The following ACOT11 variants were observed in gnomAD, a reference collection of about 807,000 sequenced individuals.
The protein encoded by ACOT11 is acyl-CoA thioesterase 11.
ACOT11 carries 69 observed loss-of-function variants against 77.5 expected under a neutral mutation model. The ratio of observed to expected loss-of-function variants is 0.89; its 90% CI spans 0.73 to 1.09. ACOT11 has a LOEUF of 1.09. Among genes scored for constraint, ACOT11 ranks in the 50% least tolerant of loss-of-function variants. The probability of loss-of-function intolerance (pLI) is 0.00; values close to 1 mark genes in which losing one functional copy is unlikely to be tolerated. For synonymous variants in ACOT11, 279 were observed against 313.0 expected, an observed-to-expected ratio of 0.89 and a Z score of 1.15; for missense variants, 766 against 813.7, an observed-to-expected ratio of 0.94 and a Z score of 0.71.
chr1:54,614,233 G>A (rs1644147633), downstream of ACOT11, among the ~76,000 whole-genome samples: 3 of 152,250 alleles, frequency 2.0e-5, no homozygotes, highest in South Asian at 6.2e-4. Context: ...CAGCGGTGCT[G>A]GAATTCATGA....
intron 1 of ACOT11, among the ~76,000 whole-genome samples, chr1:54,580,699 C>T (rs1427382556): frequency 6.6e-6 from 1 of 152,216 alleles, no homozygotes; most frequent in Admixed American, 6.5e-5. Flanking sequence ...GGCACGTGTC[C>T]CTGTCCCGTG....
At chr1:54,616,203 CT>C (rs751159462) in intron 15 of ACOT11, 15 of 1,563,838 alleles carry the variant, frequency 9.6e-6, no homozygotes, top group South Asian at 1.2e-5. Flanking sequence ...CAGTGAGTTC[CT>C]TTTTTTAAAA....
chr1:54,603,887 T>C lies in ACOT11; in HGVS notation c.1102T>C (p.Cys368Arg). Residue 368 changes from cysteine (C) to arginine (R), a missense_variant, in exon 11 of 16, where the codon TGT becomes CGT. Coordinates refer to ENST00000343744, the MANE Select transcript of ACOT11 (RefSeq NM_147161.4). ...CCTTCCCAGGAAGTACATCGTGTCC[T>C]GTAAGCAGACAGAGGTGCCCCTCTC... ...IRLDRKYIVS[C>R]KQTEVPLSVP... 1 of 1,614,132 alleles carries C rather than the reference T, an allele frequency of 6.2e-7. No individual in the cohort carries two copies. The highest frequency in any genetic ancestry group is 8.5e-7 in the Non-Finnish European group (1 of 1,180,004).
chr1:54,594,664 C>T lies in ACOT11; in HGVS notation c.580C>T (p.Leu194Phe). Residue 194 changes from leucine (L) to phenylalanine (F), a missense_variant, in exon 6 of 16, where the codon CTC becomes TTC. Leu to Phe is a conservative substitution (Grantham distance 22). Coordinates refer to ENST00000343744, the MANE Select transcript of ACOT11 (RefSeq NM_147161.4). Reference protein sequence around the residue: ...RLVYADTIKDLLANCAIQGDL... With the variant: ...RLVYADTIKDFLANCAIQGDL... ...TGTCTATGCAGACACCATCAAGGAC[C>T]TCCTGGCCAACTGCGCCATTCAGGG... 3 of 1,613,780 alleles carry T rather than the reference C, an allele frequency of 1.9e-6. No individual in the cohort carries two copies. The highest frequency in any genetic ancestry group is 2.5e-6 in the Non-Finnish European group (3 of 1,179,810).
intron 3 of ACOT11, among the ~76,000 whole-genome samples, chr1:54,588,823 A>T (rs1473265953): frequency 1.3e-5 from 2 of 152,062 alleles, no homozygotes; most frequent in African/African-American, 4.8e-5. Flanking sequence ...TGGGCAGAGG[A>T]GGCTGTGGTT....
intron 15 of ACOT11, among the ~76,000 whole-genome samples, chr1:54,622,863 G>T (rs945202794): frequency 1.3e-5 from 2 of 151,916 alleles, no homozygotes; most frequent in African/African-American, 4.8e-5. Flanking sequence ...ATGAGGCTTG[G>T]TGGGGACGAG....
Position 54,585,880 on chromosome 1 carries a change from A to G in ACOT11, c.287A>G (p.Asp96Gly). 2 of 1,614,094 alleles carry G rather than the reference A, an allele frequency of 1.2e-6. No individual in the cohort carries two copies. The highest frequency in any genetic ancestry group is 1.1e-5 in the South Asian group (1 of 91,076). ...GCPCVTASMD[D>G]IYFEHTISVG... is the part of the protein sequence containing the mutation. ...CCCTGTGTCACAGCTTCCATGGATGACATCTATTTTGAGCACACCATTAGG... is the reference window on the plus strand; with the variant it reads ...CCCTGTGTCACAGCTTCCATGGATGGCATCTATTTTGAGCACACCATTAGG... Residue 96 changes from aspartate (D) to glycine (G), a missense_variant, in exon 3 of 16, where the codon GAC (aspartate) becomes GGC (glycine). Physicochemically the swap from Asp to Gly is moderately conservative, Grantham distance 94 (BLOSUM62 -1). Coordinates refer to ENST00000343744, the MANE Select transcript of ACOT11 (RefSeq NM_147161.4).
At chr1:54,562,046 C>T (rs1266205470) in intron 1 of ACOT11, among the ~76,000 whole-genome samples, 1 of 73,450 alleles carries the variant, frequency 1.4e-5, no homozygotes, top group Admixed American at 1.0e-4. Flanking sequence ...GAGGGCTGAC[C>T]CCCCCCACCT....
chr1:54,567,049 GATCTTAA>G (rs1309171305), intron 1 of ACOT11, among the ~76,000 whole-genome samples: 2 of 152,062 alleles, frequency 1.3e-5, no homozygotes, highest in Admixed American at 6.6e-5. Flanking sequence ...AAATCCTGTG[GATCTTAA>G]ATACCCATAT....
intron 11 of ACOT11, 97 bp downstream of exon 11, chr1:54,604,034 C>A: frequency 8.6e-7 from 1 of 1,160,932 alleles, no homozygotes; most frequent in Non-Finnish European, 1.3e-6. Context: ...CCGGGGAGAG[C>A]AGGATATGAA....
rs770560230 is a variant in ACOT11 at position 54,610,197 on chromosome 1, A to G, written c.*1085A>G. The G allele has an allele frequency of 3.6e-5, 51 of 1,433,976 alleles. No homozygotes were observed. The highest frequency in any genetic ancestry group is 1.8e-4 in the East Asian group (7 of 39,928). The allele number at this position is 1,433,976 out of a possible 1,614,324, so 88.8% of individuals were successfully genotyped here. ...GCTGGTGCCGGCCTTGCCTGCAGCA[A>G]TGTAGCTGAGGACTGGTCTGAAGGC... On this transcript the variant is annotated 3_prime_UTR_variant, in exon 16 of 16. Transcript: ENST00000343744.
chr1:54,586,615 G>A (rs1205131917), intron 3 of ACOT11, among the ~76,000 whole-genome samples: 1 of 151,984 alleles, frequency 6.6e-6, no homozygotes. Flanking sequence ...TGTATTTTTA[G>A]TAGAGACGGG....
chr1:54,593,005 G>A (rs1294638007), intron 4 of ACOT11, among the ~76,000 whole-genome samples: 1 of 152,196 alleles, frequency 6.6e-6, no homozygotes, highest in African/African-American at 2.4e-5. Flanking sequence ...CAGCCCATGA[G>A]CTTGCCTCCC....
chr1:54,616,753 C>T (rs1055547445), intron 15 of ACOT11, among the ~76,000 whole-genome samples: 5 of 152,126 alleles, frequency 3.3e-5, no homozygotes, highest in African/African-American at 4.8e-5. Context: ...CACATTTCCA[C>T]GATCTTTTTT....
intron 8 of ACOT11, among the ~76,000 whole-genome samples, 190 bp from the exon 9 acceptor site, chr1:54,601,079 G>GTGTGTGTGCATACATGTGTGTGTA (rs1217167754): frequency 1.1e-4 from 17 of 152,042 alleles, no homozygotes; most frequent in African/African-American, 3.4e-4. Flanking sequence ...GTATGTGAGT[G>GTGTGTGTGCATACATGTGTGTGTA]TGTGTGTGCA....
intron 1 of ACOT11, among the ~76,000 whole-genome samples, chr1:54,563,079 T>C (rs447553): frequency 0.66 from 98,696 of 150,092 alleles, 33,022 homozygotes; most frequent in African/African-American, 0.82. Flanking sequence ...CCTCGGGCCC[T>C]GCGGGGCCCG....
chr1:54,559,681 A>G (rs1653398019), intron 1 of ACOT11, among the ~76,000 whole-genome samples: 2 of 152,116 alleles, frequency 1.3e-5, no homozygotes, highest in African/African-American at 4.8e-5. Flanking sequence ...GGTGAAAGCA[A>G]ACTTTTCTGT....
intron 1 of ACOT11, 96 bp downstream of exon 1, chr1:54,548,438 C>T: frequency 7.1e-7 from 1 of 1,415,240 alleles, no homozygotes; most frequent in Non-Finnish European, 9.6e-7. Flanking sequence ...CTCTGCATCT[C>T]CTCACACTCT....
chr1:54,569,433 G>A (rs1416692864), intron 1 of ACOT11, among the ~76,000 whole-genome samples: 1 of 152,152 alleles, frequency 6.6e-6, no homozygotes, highest in South Asian at 2.1e-4. Context: ...GCCACACGCA[G>A]CCTGGCCCCC....
Sources: allele counts gnomAD v4.1 joint callset (sites outside exome capture counted in the v4.1 genomes callset), GRCh38; gene constraint gnomAD v4.1.1; transcripts MANE v1.5; gene names NCBI Gene and HGNC (gene_info 2026-07-23, HGNC 2026-07-21).